ANO10: variants seen among roughly 807,000 people sequenced by gnomAD.
ANO10 encodes the protein anoctamin 10.
A neutral mutation model predicts 74.7 loss-of-function variants in ANO10; 77 were observed. The observed-to-expected ratio is 1.03, with a 90% CI of 0.86 to 1.25. The LOEUF (loss-of-function observed/expected upper bound fraction) is 1.25. Ranked by LOEUF, ANO10 falls within the 50% of genes most tolerant of loss-of-function variation. ANO10 has a pLI of 0.00. For synonymous variants in ANO10, 279 were observed against 284.9 expected (o/e 0.98, Z 0.21); for missense variants, 721 against 778.1 (o/e 0.93, Z 0.87).
rs1016936912 is a variant in ANO10, at chr3:43,541,936, C to T, written c.1797+7784G>A. On this transcript the variant is annotated intron_variant, in intron 11 of 12. Coordinates refer to ENST00000292246, the MANE Select transcript of ANO10 (RefSeq NM_018075.5). ...TAACAAACATCTGGCATTCGACTAA[C>T]GCATTTCTTCTGTAAGCCATGGACA... 1.2e-4 allele frequency among the ~76,000 whole-genome samples: 19 copies of T among 152,298 alleles called. 1 individual carries two copies. The highest frequency in any genetic ancestry group is 4.1e-4 in the South Asian group (2 of 4,822).
At position 43,492,112 on chromosome 3, in the gene ANO10, C is replaced by A. The variant is rs538210054; in HGVS notation, c.1797+57608G>T. Among the ~76,000 whole-genome samples, 13 of 152,104 alleles carry A rather than the reference C, an allele frequency of 8.5e-5. No individual in the cohort carries two copies. In the South Asian group the frequency reaches 2.7e-3, roughly 32 times the overall value. On this transcript the variant is annotated intron_variant, in intron 11 of 12. Transcript: ENST00000292246. ...AAAAACCAGAACACCTCAGAAAAAA[C>A]CAGAGGCCTCAGAAATAACACCACA...
intron 1 of ANO10, among the ~76,000 whole-genome samples, chr3:43,688,201 G>A (rs542868583): frequency 6.6e-6 from 1 of 152,128 alleles, no homozygotes; most frequent in Admixed American, 6.5e-5. Context: ...GCAGGCACAG[G>A]CATCTTTGAG....
intron 11 of ANO10, among the ~76,000 whole-genome samples, chr3:43,495,055 T>C (rs988367681): frequency 1.3e-5 from 2 of 151,866 alleles, no homozygotes; most frequent in South Asian, 2.1e-4. Context: ...ACAATATGGA[T>C]TGGCTCAAAA....
At chr3:43,378,526 T>C (rs1404905454) in intron 12 of ANO10, among the ~76,000 whole-genome samples, 1 of 152,222 alleles carries the variant, frequency 6.6e-6, no homozygotes, top group Non-Finnish European at 1.5e-5. Flanking sequence ...CTTTGATAAA[T>C]GCAAATATCT....
chr3:43,605,363 A>G (rs1237518105), intron 2 of ANO10, among the ~76,000 whole-genome samples: 2 of 152,174 alleles, frequency 1.3e-5, no homozygotes, highest in Non-Finnish European at 2.9e-5. Context: ...CATAACTGGC[A>G]CATAAAGAGC....
chr3:43,421,017 G>A (rs2092811756), intron 12 of ANO10, among the ~76,000 whole-genome samples: 1 of 152,178 alleles, frequency 6.6e-6, no homozygotes, highest in Admixed American at 6.5e-5. Flanking sequence ...GAGGTCAAGA[G>A]TTTGAGACCA....
chr3:43,617,154 T>C (rs1004851567), intron 1 of ANO10, among the ~76,000 whole-genome samples: 2 of 142,926 alleles, frequency 1.4e-5, no homozygotes, highest in African/African-American at 5.3e-5. Context: ...TGCTCTACCA[T>C]TACCAAGCAT....
At chr3:43,571,095 C>T (rs1310778508) in intron 7 of ANO10, among the ~76,000 whole-genome samples, 1 of 151,556 alleles carries the variant, frequency 6.6e-6, no homozygotes, top group Admixed American at 6.6e-5. Flanking sequence ...TGCTCATCAT[C>T]ACTGGCCATC....
intron 1 of ANO10, among the ~76,000 whole-genome samples, chr3:43,665,695 G>A (rs1220545752): frequency 6.6e-6 from 1 of 152,104 alleles, no homozygotes; most frequent in East Asian, 1.9e-4. Context: ...AACACAATAT[G>A]AGTAATTCGC....
In ANO10 at chr3:43,591,280, T is replaced by TGG. The variant is rs1482158879; in HGVS notation, c.472+7251_472+7252insCC. Reference sequence around the variant, plus strand: ...GGTGTCCGCTGCGCTTCTGGTCCAGTGAGGCACCCATTGCCACTCCCAATT... The same window carrying TGG: ...GGTGTCCGCTGCGCTTCTGGTCCAGTGGGAGGCACCCATTGCCACTCCCAATT... On this transcript the variant is annotated intron_variant, in intron 4 of 12. Coordinates refer to ENST00000292246, the MANE Select transcript of ANO10 (RefSeq NM_018075.5). 1.2e-4 allele frequency among the ~76,000 whole-genome samples: 18 copies of TGG among 152,186 alleles called. No homozygotes were observed. The East Asian group carries it at 3.5e-3, about 29-fold the overall frequency.
intron 12 of ANO10, among the ~76,000 whole-genome samples, chr3:43,405,105 A>G (rs2092554020): frequency 6.6e-6 from 1 of 152,232 alleles, no homozygotes; most frequent in Non-Finnish European, 1.5e-5. Context: ...TTCATTGGCA[A>G]GTTGATCTAA....
At chr3:43,428,805 A>AAAAAAAAAAAAAAAAAAAAAAT (rs1371295795) in intron 12 of ANO10, among the ~76,000 whole-genome samples, 1 of 150,320 alleles carries the variant, frequency 6.7e-6, no homozygotes, top group Non-Finnish European at 1.5e-5. Context: ...GCAAAAAAAA[A>AAAAAAAAAAAAAAAAAAAAAAT]AAAAAAAAAA....
At chr3:43,547,776 G>C (rs977784063) in intron 11 of ANO10, among the ~76,000 whole-genome samples, 2 of 152,148 alleles carry the variant, frequency 1.3e-5, no homozygotes, top group Non-Finnish European at 2.9e-5. Context: ...GAAGAACCAG[G>C]CCCTCAATAT....
intron 1 of ANO10, among the ~76,000 whole-genome samples, chr3:43,652,629 G>C (rs1482181223): frequency 6.6e-6 from 1 of 152,074 alleles, no homozygotes; most frequent in African/African-American, 2.4e-5. Flanking sequence ...TACACCTTAA[G>C]TGGGTGGATT....
intron 11 of ANO10, among the ~76,000 whole-genome samples, chr3:43,532,706 T>C (rs759364477): frequency 6.6e-6 from 1 of 152,202 alleles, no homozygotes; most frequent in Non-Finnish European, 1.5e-5. Flanking sequence ...TATATCTTTA[T>C]AGTTAGATGA....
At chr3:43,442,005 A>C (rs922895755) in intron 11 of ANO10, among the ~76,000 whole-genome samples, 1 of 152,130 alleles carries the variant, frequency 6.6e-6, no homozygotes, top group Non-Finnish European at 1.5e-5. Flanking sequence ...TTACCTTAAC[A>C]TACTAAAGGT....
chr3:43,624,605 A>C (rs1259601916), upstream of ANO10, among the ~76,000 whole-genome samples: 2 of 152,220 alleles, frequency 1.3e-5, no homozygotes, highest in African/African-American at 4.8e-5. Context: ...CCTTCCCAGA[A>C]GCCAAGCAGA....
chr3:43,557,734 C>CA (rs893586520), intron 9 of ANO10, among the ~76,000 whole-genome samples: 2,254 of 42,564 alleles, frequency 0.053, 121 homozygotes, highest in African/African-American at 0.12. Flanking sequence ...GACTCTGTCT[C>CA]AAAAAAAAAA....
At chr3:43,466,398 A>AAAAC (rs1287097486) in intron 11 of ANO10, among the ~76,000 whole-genome samples, 2 of 150,386 alleles carry the variant, frequency 1.3e-5, no homozygotes, top group Non-Finnish European at 3.0e-5. Flanking sequence ...CAAACAAAAA[A>AAAAC]ACCAGTAATC....
Sources: allele counts gnomAD v4.1 joint callset (sites outside exome capture counted in the v4.1 genomes callset), GRCh38; gene constraint gnomAD v4.1.1; transcripts MANE v1.5; gene names NCBI Gene and HGNC (gene_info 2026-07-23, HGNC 2026-07-21).